PNKP: variants seen among roughly 807,000 people sequenced by gnomAD.
The protein encoded by PNKP is polynucleotide kinase 3'-phosphatase.
Under a neutral mutation model 66.2 loss-of-function variants are expected in PNKP, and 82 were observed. That is an observed-to-expected ratio of 1.24 (90% CI 1.04 to 1.49). The LOEUF (loss-of-function observed/expected upper bound fraction) is 1.49. Among genes scored for constraint, PNKP ranks in the 40% most tolerant of loss-of-function variants. The probability of loss-of-function intolerance (pLI) is 0.00; values close to 1 mark genes in which losing one functional copy is unlikely to be tolerated. For synonymous variants in PNKP, 412 were observed against 298.9 expected, an observed-to-expected ratio of 1.38 and a Z score of -3.90; for missense variants, 907 against 706.8, an observed-to-expected ratio of 1.28 and a Z score of -3.21.
chr19:49,864,601 T>G (rs900315893), intron 4 of PNKP, among the ~76,000 whole-genome samples, 198 bp from the exon 5 acceptor site: 1 of 152,116 alleles, frequency 6.6e-6, no homozygotes, highest in Non-Finnish European at 1.5e-5. Flanking sequence ...AACCTTACTG[T>G]CTCCTGTTAC....
chr19:49,862,325 C>G (rs1256714082), intron 11 of PNKP, 44 bp from the exon 12 acceptor site: 6 of 1,538,518 alleles, frequency 3.9e-6, no homozygotes, highest in East Asian at 2.4e-5. Context: ...TCCCCATCCC[C>G]GGGAGCCCTC....
chr19:49,864,541 C>G (rs904492234), intron 4 of PNKP, 138 bp from the exon 5 acceptor site: 3 of 745,996 alleles, frequency 4.0e-6, no homozygotes, highest in Non-Finnish European at 7.2e-6. Context: ...AGTCACAGAG[C>G]ACCTCCATCT....
At chr19:49,862,970 C>T in intron 8 of PNKP, 1 of 641,030 alleles carries the variant, frequency 1.6e-6, no homozygotes. Context: ...CCTCCCGTTC[C>T]CCACGCGGCC....
Position 49,861,857 on chromosome 19 carries a change from A to G in PNKP, c.1213T>C (p.Cys405Arg). Reference protein sequence around the residue: ...NRDTLGSWQRCVTTCETALKQ... With the variant: ...NRDTLGSWQRRVTTCETALKQ... Reference sequence around the variant, plus strand: ...AGGGCTGTCTCACACGTGGTCACACAGCGCTGCCAGGAGCCTAGCGTGTCC... The same window carrying G: ...AGGGCTGTCTCACACGTGGTCACACGGCGCTGCCAGGAGCCTAGCGTGTCC... The change falls in exon 14 of 17, where the codon TGT becomes CGT. Residue 405 changes from cysteine (C) to arginine (R), a missense_variant. Transcript: ENST00000322344. 1 of 1,592,428 alleles carries G rather than the reference A, an allele frequency of 6.3e-7. No homozygotes were observed. Among genetic ancestry groups the G allele is most frequent in the Non-Finnish European group, 8.5e-7 (1 of 1,172,264 alleles).
In PNKP at chr19:49,865,235, C is replaced by A; in HGVS notation, c.390G>T (p.Lys130Asn). The change falls in exon 4 of 17, where the codon AAG (lysine) becomes AAT (asparagine). Residue 130 changes from lysine to asparagine, a missense_variant. Transcript: ENST00000322344. ...GCTTCTTCGGCAGCTCAGCATCTCT[C>A]TTCTCATCTTGGGACACCAGAGGGG... is the stretch of plus-strand genomic sequence containing the variant. ...PGTPLVSQDE[K>N]RDAELPKKRM... 6.2e-7 allele frequency: 1 copy of A among 1,614,144 alleles called. No homozygotes were observed. The highest frequency in any genetic ancestry group is 8.5e-7 in the Non-Finnish European group (1 of 1,179,944).
In PNKP at chr19:49,865,359, A is replaced by C. The variant is rs1398804952; in HGVS notation, c.266T>G (p.Val89Gly). 6.8e-6 allele frequency: 11 copies of C among 1,613,024 alleles called. No individual in the cohort carries two copies. Among genetic ancestry groups the C allele is most frequent in the Non-Finnish European group, 9.3e-6 (11 of 1,179,576 alleles). ...LKPGLEGSLG[V>G]GDTLYLVNGL... ...ATTGACCAAATACAGTGTGTCCCCC[A>C]CCCCCAGAGAGCCCTCCAACCCCGG... is the stretch of plus-strand genomic sequence containing the variant. Residue 89 changes from valine (V) to glycine (G), a missense_variant, in exon 4 of 17, where the codon GTG becomes GGG. Coordinates refer to ENST00000322344, the MANE Select transcript of PNKP (RefSeq NM_007254.4).
Position 49,867,160 on chromosome 19 carries a change from G to A in PNKP, c.45C>T (p.Pro15=). ...GGAAGATGGGGGGCGCTCCCCCAGGGGGGCTCTCGAGCCACAAGCGGCCCG... is the reference window on the plus strand; with the variant it reads ...GGAAGATGGGGGGCGCTCCCCCAGGAGGGCTCTCGAGCCACAAGCGGCCCG... ...EAPGRLWLES[P]PGGAPPIFLP... is the part of the protein sequence containing the mutation. Residue 15 remains proline (P), a synonymous_variant, in exon 2 of 17, where the codon CCC becomes CCT. Transcript: ENST00000322344. The A allele has an allele frequency of 6.2e-7, 1 of 1,611,576 alleles. No individual in the cohort carries two copies. Among genetic ancestry groups the A allele is most frequent in the Non-Finnish European group, 8.5e-7 (1 of 1,179,414 alleles).
At chr19:49,865,779 A>G (rs1177628980) in intron 3 of PNKP, among the ~76,000 whole-genome samples, 2 of 147,704 alleles carry the variant, frequency 1.4e-5, no homozygotes, top group Non-Finnish European at 2.9e-5. Flanking sequence ...ATGCCCCGCT[A>G]ATTTTTGTAT....
Position 49,861,478 on chromosome 19 carries a change from G to T in PNKP, c.1419C>A (p.Pro473=). 2 of 1,613,864 alleles carry T rather than the reference G, an allele frequency of 1.2e-6. No homozygotes were observed. The highest frequency in any genetic ancestry group is 1.7e-6 in the Non-Finnish European group (2 of 1,179,850). ...AGCCATACATGACCATGTCTGACACGGGGATATGAGAGGAGTCCGTCATCT... is the reference window on the plus strand; with the variant it reads ...AGCCATACATGACCATGTCTGACACTGGGATATGAGAGGAGTCCGTCATCT... ...FREMTDSSHI[P]VSDMVMYGYR... is the part of the protein sequence containing the mutation. Residue 473 remains proline (P), a synonymous_variant, in exon 16 of 17, where the codon CCC becomes CCA. Coordinates refer to ENST00000322344, the MANE Select transcript of PNKP (RefSeq NM_007254.4).
intron 2 of PNKP, chr19:49,866,792 G>C: frequency 1.7e-6 from 1 of 597,710 alleles, no homozygotes. Context: ...GAAGGTCGTC[G>C]CCTGTTTCTG....
rs1459896347 is a variant in PNKP at position 49,862,357 on chromosome 19, C to T, written c.1029+14G>A. 14 of 1,523,430 alleles carry T rather than the reference C, an allele frequency of 9.2e-6. No homozygotes were observed. The highest frequency in any genetic ancestry group is 2.0e-5 in the Admixed American group (1 of 50,972). 94.4% of individuals were successfully genotyped at this position (1,523,430 alleles called of 1,614,324 possible). ...CCTCCCATCCCCACCCCCACCCCCG[C>T]CCCAGGGCCTCACCGGATCAAAGGC... On this transcript the variant is annotated intron_variant, in intron 11 of 16. Transcript: ENST00000322344.
chr19:49,862,172 A>G lies in PNKP; in HGVS notation c.1126+13T>C. 1 of 1,613,762 alleles carries G rather than the reference A, an allele frequency of 6.2e-7. No individual in the cohort carries two copies. On this transcript the variant is annotated intron_variant, in intron 12 of 16. Coordinates refer to ENST00000322344, the MANE Select transcript of PNKP (RefSeq NM_007254.4). ...CGGGGCTCAGGGCACGCGCACAGGA[A>G]CAGGACACTTACCCCCAGGGAATCC...
At chr19:49,864,521 G>C in intron 4 of PNKP, 118 bp from the exon 5 acceptor site, 1 of 809,474 alleles carries the variant, frequency 1.2e-6, no homozygotes, top group Non-Finnish European at 2.2e-6. Flanking sequence ...TCTCACAGAT[G>C]GGGAAACCGA....
intron 8 of PNKP, among the ~76,000 whole-genome samples, chr19:49,862,976 C>T (rs981602460): frequency 6.6e-6 from 1 of 152,058 alleles, no homozygotes; most frequent in Non-Finnish European, 1.5e-5. Context: ...GTTCCCCACG[C>T]GGCCACCGGA....
rs767753048 is a variant in PNKP, at chr19:49,864,241, G to T, written c.579-5C>A. 1.9e-6 allele frequency: 3 copies of T among 1,614,070 alleles called. No homozygotes were observed. The highest frequency in any genetic ancestry group is 2.5e-6 in the Non-Finnish European group (3 of 1,179,956). Reference sequence around the variant, plus strand: ...GGAATCTCTGGGTACAAGATCCTACGGCAGGTATGAAGCGGCAGGGGTGAC... The same window carrying T: ...GGAATCTCTGGGTACAAGATCCTACTGCAGGTATGAAGCGGCAGGGGTGAC... On this transcript the variant is annotated splice_polypyrimidine_tract_variant and splice_region_variant and intron_variant, in intron 5 of 16. Transcript: ENST00000322344.
rs1228660292 is a variant in PNKP, at chr19:49,865,299, G to C, written c.326C>G (p.Thr109Ser). Residue 109 changes from threonine (T) to serine (S), a missense_variant, in exon 4 of 17, where the codon ACC (threonine) becomes AGC (serine). Physicochemically the swap from Thr to Ser is moderately conservative, Grantham distance 58. Coordinates refer to ENST00000322344, the MANE Select transcript of PNKP (RefSeq NM_007254.4). ...LHPLTLRWEE[T>S]RTPESQPDTP... ...ATCTGGCTGGGATTCTGGTGTGCGG[G>C]TCTCTTCCCAGCGCAGGGTCAGTGG... is the stretch of plus-strand genomic sequence containing the variant. The C allele has an allele frequency of 6.2e-7, 1 of 1,614,098 alleles. No homozygotes were observed. Among genetic ancestry groups the C allele is most frequent in the African/African-American group, 1.3e-5 (1 of 74,944 alleles).
At position 49,865,116 on chromosome 19, in the gene PNKP, G is replaced by A. The variant is rs371375970; in HGVS notation, c.498+11C>T. On this transcript the variant is annotated intron_variant, in intron 4 of 16. Coordinates refer to ENST00000322344, the MANE Select transcript of PNKP (RefSeq NM_007254.4). ...TGTGGCGGCTCCCTCAGCCCTCGGC[G>A]TGGCCCTCACCTTGCCCTGGGGTTT... is the stretch of plus-strand genomic sequence containing the variant. 74 of 1,611,904 alleles carry A rather than the reference G, an allele frequency of 4.6e-5. No individual in the cohort carries two copies. The African/African-American group carries it at 8.7e-4, about 19-fold the overall frequency.
At chr19:49,866,009 A>G in intron 3 of PNKP, 1 of 334,332 alleles carries the variant, frequency 3.0e-6, no homozygotes, top group Non-Finnish European at 5.8e-6. Flanking sequence ...TCTCCCAGCC[A>G]TATTTTTTCT....
rs3739189 is a variant in PNKP, at chr19:49,863,859, G to T, written c.745-99C>A. On this transcript the variant is annotated intron_variant, in intron 7 of 16. Transcript: ENST00000322344. ...TGTAGCTGATGATGGGTTCCTATCAGCATCACACTGCCTGAGGCCTCCGCC... is the reference window on the plus strand; with the variant it reads ...TGTAGCTGATGATGGGTTCCTATCATCATCACACTGCCTGAGGCCTCCGCC... 1.3e-3 allele frequency: 1,779 copies of T among 1,359,730 alleles called. 16 individuals are homozygous for T. In the African/African-American group the frequency reaches 0.021, roughly 16 times the overall value. 84.2% of individuals were successfully genotyped at this position (1,359,730 alleles called of 1,614,324 possible).
Sources: gnomAD v4.1 joint callset for allele counts (sites outside exome capture counted in the v4.1 genomes callset) on GRCh38, gnomAD v4.1.1 for gene constraint, MANE v1.5 for transcripts, NCBI Gene and HGNC (gene_info 2026-07-23, HGNC 2026-07-21) for gene names.